OPCML: variants seen among roughly 807,000 people sequenced by gnomAD.
OPCML encodes opioid-binding protein/cell adhesion molecule.
Under a neutral mutation model 37.8 loss-of-function variants are expected in OPCML, and 13 were observed. The observed-to-expected ratio is 0.34, with a 90% confidence interval of 0.22 to 0.55. The LOEUF (loss-of-function observed/expected upper bound fraction) is 0.55, where lower values mean the gene tolerates loss of function less well. Ranked by LOEUF, OPCML falls within the 20% of genes least tolerant of loss-of-function variation. The pLI is 0.91. For missense variants in OPCML, 341 were observed against 435.6 expected, an observed-to-expected ratio of 0.78 and a Z score of 1.93; for synonymous variants, 176 against 168.8, an observed-to-expected ratio of 1.04 and a Z score of -0.33.
At chr11:132,973,889 C>G (rs943238650) in intron 1 of OPCML, among the ~76,000 whole-genome samples, 1 of 147,170 alleles carries the variant, frequency 6.8e-6, no homozygotes, top group Non-Finnish European at 1.5e-5. Flanking sequence ...CTACCCCTTA[C>G]CAAGCATAGA....
At position 132,522,712 on chromosome 11, in the gene OPCML, G is replaced by A. The variant is rs568602447; in HGVS notation, c.505+6349C>T. 1.1e-3 allele frequency among the ~76,000 whole-genome samples: 160 copies of A among 152,252 alleles called. 3 individuals carry two copies. In the South Asian group the frequency reaches 0.031, roughly 30 times the overall value. ...CGACATTTCGAAAGTCACTCAGGGC[G>A]TTAACAACTCAGTCCAGATCTCATG... On this transcript the variant is annotated intron_variant, in intron 4 of 7. Transcript: ENST00000524381.
intron 3 of OPCML, among the ~76,000 whole-genome samples, chr11:132,649,033 TAAACCCTATA>T (rs1168306881): frequency 6.6e-6 from 1 of 152,134 alleles, no homozygotes; most frequent in Non-Finnish European, 1.5e-5. Context: ...GAAATAGCCA[TAAACCCTATA>T]AAAACTGTGT....
intron 1 of OPCML, among the ~76,000 whole-genome samples, chr11:133,397,089 A>G (rs1945303895): frequency 1.3e-5 from 2 of 152,204 alleles, no homozygotes; most frequent in Admixed American, 1.3e-4. Context: ...TTTCCTGGCA[A>G]CTGAAGAGTT....
At chr11:133,519,856 G>C (rs944158791) in intron 1 of OPCML, among the ~76,000 whole-genome samples, 2 of 152,132 alleles carry the variant, frequency 1.3e-5, no homozygotes, top group Non-Finnish European at 2.9e-5. Flanking sequence ...TTCTAAAGTA[G>C]CATCCACTGT....
At chr11:133,240,887 C>T (rs544702592) in intron 1 of OPCML, among the ~76,000 whole-genome samples, 23 of 152,326 alleles carry the variant, frequency 1.5e-4, no homozygotes, top group African/African-American at 5.3e-4. Flanking sequence ...AGTCAGCACC[C>T]GTGCATCTTT....
At chr11:133,200,253 G>A (rs1183940264) in intron 1 of OPCML, among the ~76,000 whole-genome samples, 5 of 152,174 alleles carry the variant, frequency 3.3e-5, no homozygotes, top group Non-Finnish European at 7.3e-5. Flanking sequence ...CATGTCACGT[G>A]GGCAGAGATT....
chr11:132,491,833 G>A (rs903726679), intron 4 of OPCML, among the ~76,000 whole-genome samples: 1 of 151,998 alleles, frequency 6.6e-6, no homozygotes, highest in Non-Finnish European at 1.5e-5. Context: ...TGGGACAGTA[G>A]GTGTTGGAAG....
chr11:133,515,549 T>C (rs1040113906), intron 1 of OPCML, among the ~76,000 whole-genome samples: 1 of 152,102 alleles, frequency 6.6e-6, no homozygotes, highest in Non-Finnish European at 1.5e-5. Flanking sequence ...GAGAAGCTAA[T>C]ACAAAACCAT....
chr11:132,478,110 T>A (rs1486941266), intron 4 of OPCML, among the ~76,000 whole-genome samples: 2 of 152,214 alleles, frequency 1.3e-5, no homozygotes, highest in African/African-American at 2.4e-5. Context: ...AAAGATTAAC[T>A]ATGCTAAAAT....
chr11:132,875,644 A>G (rs1272951269), intron 2 of OPCML, among the ~76,000 whole-genome samples: 1 of 151,984 alleles, frequency 6.6e-6, no homozygotes, highest in African/African-American at 2.4e-5. Flanking sequence ...TTGTATTTCT[A>G]GTAGAGACAG....
chr11:132,588,565 G>A (rs1445217607), intron 3 of OPCML, among the ~76,000 whole-genome samples: 7 of 152,182 alleles, frequency 4.6e-5, no homozygotes, highest in Non-Finnish European at 1.0e-4. Flanking sequence ...GATGTGAGCA[G>A]CTCTGCTCCA....
intron 3 of OPCML, among the ~76,000 whole-genome samples, chr11:132,652,956 T>C (rs149103290): frequency 9.0e-4 from 137 of 152,180 alleles, no homozygotes; most frequent in African/African-American, 3.1e-3. Flanking sequence ...AGTGCTGAGG[T>C]TGGATATAAA....
intron 2 of OPCML, among the ~76,000 whole-genome samples, chr11:132,770,817 G>T (rs554519831): frequency 4.6e-5 from 7 of 152,134 alleles, no homozygotes; most frequent in Non-Finnish European, 1.5e-5. Context: ...ATTGGAGAAG[G>T]GGGGACTCAG....
At chr11:133,193,888 A>G (rs1938423964) in intron 1 of OPCML, among the ~76,000 whole-genome samples, 1 of 152,204 alleles carries the variant, frequency 6.6e-6, no homozygotes, top group African/African-American at 2.4e-5. Flanking sequence ...GCAATAATCA[A>G]TGTCCTATAT....
In OPCML at chr11:132,483,599, G is replaced by A. The variant is rs1024029541; in HGVS notation, c.505+45462C>T. ...TTCATATGGAACCAAAAAAGAGCCC[G>A]CATCGCCAAGTCAGTCCTAAGCCAA... On this transcript the variant is annotated intron_variant, in intron 4 of 7. Transcript: ENST00000524381. 2.4e-4 allele frequency among the ~76,000 whole-genome samples: 37 copies of A among 152,178 alleles called. 1 individual carries two copies. Among genetic ancestry groups the A allele is most frequent in the African/African-American group, 5.3e-4 (22 of 41,516 alleles).
At chr11:133,025,101 C>T (rs1947526896) in intron 1 of OPCML, 1 of 785,746 alleles carries the variant, frequency 1.3e-6, no homozygotes, top group African/African-American at 1.9e-5. Context: ...GCTAATTTTC[C>T]TTCATAGGGA....
intron 1 of OPCML, among the ~76,000 whole-genome samples, chr11:132,969,101 C>T (rs544726492): frequency 9.2e-5 from 14 of 151,986 alleles, no homozygotes; most frequent in African/African-American, 3.1e-4. Context: ...TACCCCTCAC[C>T]CCCCTCCCAC....
chr11:132,459,379 C>A (rs1172894249), intron 4 of OPCML, among the ~76,000 whole-genome samples: 2 of 150,148 alleles, frequency 1.3e-5, no homozygotes, highest in Non-Finnish European at 2.9e-5. Context: ...TCACATGAGC[C>A]AATTCCTTTC....
In OPCML at chr11:133,520,411, G is replaced by A. The variant is rs532230902; in HGVS notation, c.61+11853C>T. 2.8e-4 allele frequency among the ~76,000 whole-genome samples: 42 copies of A among 152,058 alleles called. 1 individual carries two copies. The South Asian group carries it at 6.4e-3, about 23-fold the overall frequency. ...CAGAAAGGCAGCCCCTTTCTCCCAC[G>A]CAAGCAGAAAAACAATGGTGCTAAA... is the stretch of plus-strand genomic sequence containing the variant. On this transcript the variant is annotated intron_variant, in intron 1 of 7. Coordinates refer to ENST00000524381, the MANE Select transcript of OPCML (RefSeq NM_001012393.5).
Sources: allele counts gnomAD v4.1 joint callset (sites outside exome capture counted in the v4.1 genomes callset), GRCh38; gene constraint gnomAD v4.1.1; transcripts MANE v1.5; gene names NCBI Gene and HGNC (gene_info 2026-07-23, HGNC 2026-07-21).